Variants in EXOC4 observed in about 807,000 individuals in gnomAD.
The protein encoded by EXOC4 is SEC8-like 1.
A neutral mutation model predicts 107.2 loss-of-function variants in EXOC4; 71 were observed. The observed-to-expected ratio is 0.66, with a 90% CI of 0.55 to 0.81. EXOC4 has a LOEUF of 0.81. Among genes scored for constraint, EXOC4 ranks in the 30% least tolerant of loss-of-function variants. The probability of loss-of-function intolerance (pLI) is 0.00; values close to 1 mark genes in which losing one functional copy is unlikely to be tolerated. For missense variants in EXOC4, 1,108 were observed against 1,189.6 expected, an observed-to-expected ratio of 0.93 and a Z score of 1.01; for synonymous variants, 456 against 441.2, an observed-to-expected ratio of 1.03 and a Z score of -0.42.
At chr7:134,081,384 C>T in the EXOC4 span, among the ~76,000 whole-genome samples, 2 of 151,974 alleles carry the variant, frequency 1.3e-5, no homozygotes, top group African/African-American at 4.8e-5. Context: ...AAAACAGCAG[C>T]CCCTTCCCCA....
intron 14 of EXOC4, among the ~76,000 whole-genome samples, chr7:133,951,833 T>A (rs1800698035): frequency 6.6e-6 from 1 of 152,194 alleles, no homozygotes; most frequent in Non-Finnish European, 1.5e-5. Flanking sequence ...TGTGAACTTG[T>A]ATGTCAGCAT....
At chr7:133,453,660 T>G (rs1056663119) in intron 7 of EXOC4, among the ~76,000 whole-genome samples, 1 of 152,142 alleles carries the variant, frequency 6.6e-6, no homozygotes, top group Non-Finnish European at 1.5e-5. Flanking sequence ...TAACTTTATG[T>G]AAGTTTGCAT....
At chr7:133,817,619 A>T (rs780104257) in intron 11 of EXOC4, 75 bp downstream of exon 11, 25 of 1,104,502 alleles carry the variant, frequency 2.3e-5, no homozygotes, top group Middle Eastern at 4.6e-4. Context: ...AATTTAAAAA[A>T]GAAGAATTAC....
intron 11 of EXOC4, among the ~76,000 whole-genome samples, chr7:133,865,650 G>C (rs1411092033): frequency 1.3e-5 from 2 of 152,166 alleles, no homozygotes; most frequent in Admixed American, 1.3e-4. Flanking sequence ...ATGTCTGGGA[G>C]GCCTCAGGAA....
At chr7:133,471,019 A>T (rs1249721211) in intron 7 of EXOC4, among the ~76,000 whole-genome samples, 4 of 152,196 alleles carry the variant, frequency 2.6e-5, no homozygotes, top group African/African-American at 7.2e-5. Flanking sequence ...AATACTAGGC[A>T]TCTGATGTTT....
Position 133,707,834 on chromosome 7 carries a change from T to G in EXOC4, c.1514+77693T>G, listed in dbSNP as rs144663010. Among the ~76,000 whole-genome samples, 356 of 152,236 alleles carry G rather than the reference T, an allele frequency of 2.3e-3. 5 individuals carry two copies. Among genetic ancestry groups the G allele is most frequent in the African/African-American group, 8.0e-3 (332 of 41,542 alleles). On this transcript the variant is annotated intron_variant, in intron 10 of 17. Transcript: ENST00000253861. ...TTTTGCCATGTTGGGCAGGCTGGTCTTGAACTCCTGACCTCCCAAAATGCT... is the reference window on the plus strand; with the variant it reads ...TTTTGCCATGTTGGGCAGGCTGGTCGTGAACTCCTGACCTCCCAAAATGCT...
At chr7:133,649,219 A>C (rs540816847) in intron 10 of EXOC4, among the ~76,000 whole-genome samples, 1 of 152,116 alleles carries the variant, frequency 6.6e-6, no homozygotes, top group Non-Finnish European at 1.5e-5. Context: ...TTATGGTTCT[A>C]TGGAATTCCT....
intron 10 of EXOC4, among the ~76,000 whole-genome samples, chr7:133,702,735 T>C (rs1403733947): frequency 6.6e-6 from 1 of 152,128 alleles, no homozygotes; most frequent in African/African-American, 2.4e-5. Context: ...TAAAAATGCT[T>C]CCAGCAGAGT....
chr7:133,857,179 TATATATATATATATATATATA>T (rs1798407328), intron 11 of EXOC4, among the ~76,000 whole-genome samples: 9 of 19,076 alleles, frequency 4.7e-4, no homozygotes, highest in African/African-American at 1.8e-3. Flanking sequence ...TATATATATA[TATATATATATATATATATATA>T]TTTTACCTCT....
intron 10 of EXOC4, among the ~76,000 whole-genome samples, chr7:133,809,911 T>G (rs1227018851): frequency 6.6e-6 from 1 of 152,218 alleles, no homozygotes; most frequent in Non-Finnish European, 1.5e-5. Flanking sequence ...CTGAAATTTG[T>G]ACCTTTGATT....
chr7:133,387,007 T>C (rs1157555430), intron 7 of EXOC4, among the ~76,000 whole-genome samples: 2 of 152,204 alleles, frequency 1.3e-5, no homozygotes, highest in African/African-American at 4.8e-5. Flanking sequence ...TGTTATCCTA[T>C]TCATGGTCAG....
intron 7 of EXOC4, among the ~76,000 whole-genome samples, chr7:133,439,182 CTTTTTTTTT>C (rs35280420): frequency 1.1e-5 from 1 of 94,068 alleles, no homozygotes; most frequent in Non-Finnish European, 1.9e-5. Context: ...TTCATCAGTT[CTTTTTTTTT>C]TTTTTTTTTT....
In EXOC4 at chr7:133,722,159, A is replaced by C. The variant is rs527841991; in HGVS notation, c.1514+92018A>C. Among the ~76,000 whole-genome samples the C allele has an allele frequency of 2.6e-5, 4 of 152,370 alleles. No individual in the cohort carries two copies. In the East Asian group the frequency reaches 7.7e-4, roughly 29 times the overall value. On this transcript the variant is annotated intron_variant, in intron 10 of 17. Coordinates refer to ENST00000253861, the MANE Select transcript of EXOC4 (RefSeq NM_021807.4). ...AATGTGGCTTTATGATTTCTTGCTAAATAGGCTTTGCCCTGTATCCCATTT... is the reference window on the plus strand; with the variant it reads ...AATGTGGCTTTATGATTTCTTGCTACATAGGCTTTGCCCTGTATCCCATTT...
At chr7:134,033,853 T>C (rs576962896) in intron 17 of EXOC4, among the ~76,000 whole-genome samples, 1 of 152,258 alleles carries the variant, frequency 6.6e-6, no homozygotes, top group African/African-American at 2.4e-5. Context: ...TGCTAAGAAA[T>C]AATGAAGCAT....
chr7:133,476,033 A>G (rs1051805457), intron 8 of EXOC4, among the ~76,000 whole-genome samples: 2 of 152,168 alleles, frequency 1.3e-5, no homozygotes, highest in African/African-American at 4.8e-5. Context: ...AATAGTAACA[A>G]CAGGTACCAC....
chr7:134,063,277 C>G (rs1025008373), intron 17 of EXOC4, among the ~76,000 whole-genome samples: 1 of 152,170 alleles, frequency 6.6e-6, no homozygotes, highest in Non-Finnish European at 1.5e-5. Context: ...AATCTTACCC[C>G]ACAGGAAGTC....
At chr7:133,320,378 TG>T (rs1479325838) in intron 5 of EXOC4, among the ~76,000 whole-genome samples, 18 of 152,300 alleles carry the variant, frequency 1.2e-4, no homozygotes, top group Middle Eastern at 3.4e-3. Context: ...CCATATTCCT[TG>T]GTTCATTCAT....
rs530622122 is a variant in EXOC4, at chr7:133,345,457, C to T, written c.764-10873C>T. On this transcript the variant is annotated intron_variant, in intron 5 of 17. Coordinates refer to ENST00000253861, the MANE Select transcript of EXOC4 (RefSeq NM_021807.4). ...TATAAATGTAAACTGTCAGTTTATT[C>T]ATCTGTTCCTTGTCCCTCCTGTTAT... is the stretch of plus-strand genomic sequence containing the variant. Among the ~76,000 whole-genome samples, 27 of 152,184 alleles carry T rather than the reference C, an allele frequency of 1.8e-4. No homozygotes were observed. In the South Asian group the frequency reaches 4.1e-3, roughly 23 times the overall value.
chr7:133,909,632 T>G (rs977747866), intron 12 of EXOC4, among the ~76,000 whole-genome samples: 1 of 152,198 alleles, frequency 6.6e-6, no homozygotes, highest in Non-Finnish European at 1.5e-5. Context: ...CATGGGAGCT[T>G]AAAACATAGC....
Sources: allele counts gnomAD v4.1 joint callset (sites outside exome capture counted in the v4.1 genomes callset), GRCh38; gene constraint gnomAD v4.1.1; transcripts MANE v1.5; gene names NCBI Gene and HGNC (gene_info 2026-07-23, HGNC 2026-07-21).